Variants in LAMC2 observed in about 807,000 individuals in gnomAD.
LAMC2 encodes laminin subunit gamma 2, also known as laminin subunit gamma-2.
LAMC2 carries 97 observed loss-of-function variants against 140.2 expected under a neutral mutation model. The ratio of observed to expected loss-of-function variants is 0.69; its 90% CI spans 0.59 to 0.82. The LOEUF is 0.82. LAMC2 is among the 40% of genes least tolerant of loss of function. LAMC2 has a pLI of 0.00. For synonymous variants in LAMC2, 513 were observed against 540.2 expected, an observed-to-expected ratio of 0.95 and a Z score of 0.70; for missense variants, 1,402 against 1,476.1, an observed-to-expected ratio of 0.95 and a Z score of 0.82.
chr1:183,243,715 T>C lies in LAMC2; in HGVS notation c.*315T>C. The C allele has an allele frequency of 2.4e-6, 1 of 412,176 alleles. No individual in the cohort carries two copies. Among genetic ancestry groups the C allele is most frequent in the Non-Finnish European group, 4.5e-6 (1 of 220,560 alleles). The allele number at this position is 412,176 out of a possible 1,614,324, so 25.5% of individuals were successfully genotyped here. A position where few individuals can be genotyped will look rare whatever the true frequency, so the allele number is the denominator to read the frequency against. On this transcript the variant is annotated 3_prime_UTR_variant, in exon 23 of 23. Transcript: ENST00000264144. The stretch of plus-strand genomic sequence containing the variant: ...ATGTTTGCCTCATAATAGTCGTAAG[T>C]GGAGTCCTGGAATTTGGACAAGTGC...
chr1:183,218,378 C>G lies in LAMC2; in HGVS notation c.405-12C>G. The G allele has an allele frequency of 6.2e-7, 1 of 1,610,188 alleles. No individual in the cohort carries two copies. The highest frequency in any genetic ancestry group is 8.5e-7 in the Non-Finnish European group (1 of 1,176,386). ...GAAGCATGTCCCTAATTTTCTTTTT[C>G]TTCTTCCCCAGAGACTCCAAGTGTG... On this transcript the variant is annotated splice_polypyrimidine_tract_variant and intron_variant, in intron 3 of 22. Transcript: ENST00000264144.
At chr1:183,250,714 C>T in the LAMC2 span, 6 of 152,600 alleles carry the variant, frequency 3.9e-5, no homozygotes, top group African/African-American at 1.2e-4. Flanking sequence ...TAGTCAAACA[C>T]TGATACCCCA....
the LAMC2 span, chr1:183,252,789 C>A: frequency 7.0e-7 from 1 of 1,431,170 alleles, no homozygotes; most frequent in South Asian, 1.1e-5. Flanking sequence ...ACACCCAAAG[C>A]AAGTCAGGAG....
At chr1:183,217,200 A>T (rs3768599) in intron 3 of LAMC2, among the ~76,000 whole-genome samples, 147 of 152,064 alleles carry the variant, frequency 9.7e-4, no homozygotes, top group Middle Eastern at 6.8e-3. Context: ...GGAACGGATC[A>T]GTAGAGAAGA....
intron 2 of LAMC2, among the ~76,000 whole-genome samples, chr1:183,214,213 G>A (rs1659175015): frequency 1.3e-5 from 2 of 152,038 alleles, no homozygotes; most frequent in Non-Finnish European, 2.9e-5. Context: ...ACAGATTTCT[G>A]GGCACCTGCC....
chr1:183,220,694 G>A, intron 4 of LAMC2, 131 bp from the exon 5 acceptor site: 1 of 907,122 alleles, frequency 1.1e-6, no homozygotes, highest in Non-Finnish European at 1.8e-6. Flanking sequence ...TGCAAAATCT[G>A]GTATTTCCCT....
rs540784769 is a variant in LAMC2 at position 183,232,580 on chromosome 1, C to T, written c.2015-72C>T. 14 of 1,380,396 alleles carry T rather than the reference C, an allele frequency of 1.0e-5. No homozygotes were observed. In the South Asian group the frequency reaches 1.6e-4, roughly 16 times the overall value. The allele number at this position is 1,380,396 out of a possible 1,614,324, so 85.5% of individuals were successfully genotyped here. The stretch of plus-strand genomic sequence containing the variant: ...TGTCATTTGACCATAAGCCAGTCAA[C>T]CCTCCGTTATGTTTGCTAACTCTAT... On this transcript the variant is annotated intron_variant, in intron 13 of 22. Transcript: ENST00000264144.
intron 3 of LAMC2, 92 bp downstream of exon 3, chr1:183,215,680 C>G (rs548051907): frequency 2.0e-6 from 3 of 1,484,410 alleles, no homozygotes; most frequent in Non-Finnish European, 2.8e-6. Context: ...GAGCCCCTAC[C>G]CTGTGCCAAA....
rs1320261716 is a variant in LAMC2 at position 183,228,897 on chromosome 1, C to T, written c.1714+278C>T. Among the ~76,000 whole-genome samples, 2 of 152,256 alleles carry T rather than the reference C, an allele frequency of 1.3e-5. No individual in the cohort carries two copies. The highest frequency in any genetic ancestry group is 1.9e-4 in the East Asian group (1 of 5,178). On this transcript the variant is annotated intron_variant, in intron 11 of 22. Transcript: ENST00000264144. This position sits in a 1 kb window ranked among gnomAD's most constrained non-coding sequence, Gnocchi z 4.3. ...TTCCTACGCGGAAAAGGATGTAACA[C>T]GGGGCCACATCCTATGCCCAATCCC... is the stretch of plus-strand genomic sequence containing the variant.
intron 11 of LAMC2, among the ~76,000 whole-genome samples, chr1:183,230,650 G>A (rs112964978): frequency 1.2e-3 from 188 of 152,294 alleles, no homozygotes; most frequent in East Asian, 5.8e-3. Context: ...CATCTGGCAC[G>A]TAATGGGCCC....
intron 1 of LAMC2, among the ~76,000 whole-genome samples, chr1:183,188,582 G>A: frequency 6.6e-6 from 1 of 152,212 alleles, no homozygotes; most frequent in East Asian, 1.9e-4. Flanking sequence ...TTGTAAAATG[G>A]AGGCAATAGT....
At position 183,239,869 on chromosome 1, in the gene LAMC2, G is replaced by A. The variant is rs187513422; in HGVS notation, c.3070-171G>A. 2.6e-4 allele frequency: 206 copies of A among 777,676 alleles called. 1 individual carries two copies. In the East Asian group the frequency reaches 5.2e-3, roughly 20 times the overall value. 48.2% of individuals were successfully genotyped at this position (777,676 alleles called of 1,614,324 possible). Reference sequence around the variant, plus strand: ...CATACCCCCAGATTAGCTTGTTTGAGGCAGAGCTTGGCAAAGTACCCCTGT... The same window carrying A: ...CATACCCCCAGATTAGCTTGTTTGAAGCAGAGCTTGGCAAAGTACCCCTGT... On this transcript the variant is annotated intron_variant, in intron 20 of 22. Coordinates refer to ENST00000264144, the MANE Select transcript of LAMC2 (RefSeq NM_005562.3).
chr1:183,243,238 C>T lies in LAMC2; in HGVS notation c.3420C>T (p.Pro1140=). Residue 1140 remains proline, a synonymous_variant, in exon 23 of 23, where the codon CCC becomes CCT. Coordinates refer to ENST00000264144, the MANE Select transcript of LAMC2 (RefSeq NM_005562.3). ...AKTQINSQLR[P]MMSELEERAR... is the part of the protein sequence containing the mutation. ...CCCAGATCAACAGCCAACTGCGGCC[C>T]ATGATGTCAGAGCTGGAAGAGAGGG... The T allele has an allele frequency of 6.2e-7, 1 of 1,614,140 alleles. No homozygotes were observed. The highest frequency in any genetic ancestry group is 1.1e-5 in the South Asian group (1 of 91,088).
intron 2 of LAMC2, among the ~76,000 whole-genome samples, chr1:183,211,055 T>C (rs1433302301): frequency 6.6e-6 from 1 of 152,232 alleles, no homozygotes; most frequent in East Asian, 1.9e-4. Flanking sequence ...AAAAATGCTA[T>C]CATTACATGT....
chr1:183,246,030 C>T (rs1251997585), downstream of LAMC2, among the ~76,000 whole-genome samples: 2 of 151,958 alleles, frequency 1.3e-5, no homozygotes, highest in African/African-American at 2.4e-5. Context: ...ATTAGCCGGG[C>T]GTGATGGCGG....
At chr1:183,230,890 T>A (rs1659778428) in intron 11 of LAMC2, 71 bp from the exon 12 acceptor site, 6 of 1,566,216 alleles carry the variant, frequency 3.8e-6, no homozygotes, top group Middle Eastern at 1.7e-4. Flanking sequence ...ATCTCCTTCC[T>A]TGTATCTTTG....
intron 1 of LAMC2, among the ~76,000 whole-genome samples, chr1:183,196,230 C>A (rs553124608): frequency 6.6e-6 from 1 of 152,036 alleles, no homozygotes; most frequent in African/African-American, 2.4e-5. Flanking sequence ...CTCTGCCTAC[C>A]GGGTTCAAGT....
In LAMC2 at chr1:183,236,587, A is replaced by G; in HGVS notation, c.2584A>G (p.Ser862Gly). The G allele has an allele frequency of 3.1e-6, 5 of 1,614,116 alleles. No individual in the cohort carries two copies. The highest frequency in any genetic ancestry group is 1.7e-4 in the Middle Eastern group (1 of 6,060). Reference protein sequence around the residue: ...LDSVSRLQGVSDQSFQVEEAK... With the variant: ...LDSVSRLQGVGDQSFQVEEAK... ...TTCAGTGTCTCGGCTTCAGGGAGTC[A>G]GTGATCAGTCCTTTCAGGTGAGGGC... The change falls in exon 17 of 23, where the codon AGT becomes GGT. Residue 862 changes from serine (S) to glycine (G), a missense_variant. Coordinates refer to ENST00000264144, the MANE Select transcript of LAMC2 (RefSeq NM_005562.3).
intron 9 of LAMC2, 31 bp downstream of exon 9, chr1:183,226,947 T>G (rs2102230557): frequency 6.5e-7 from 1 of 1,543,532 alleles, no homozygotes. Context: ...ACCAGGTGGC[T>G]GGGGTGTCAT....
Sources: allele counts gnomAD v4.1 joint callset (sites outside exome capture counted in the v4.1 genomes callset), GRCh38; gene constraint gnomAD v4.1.1; non-coding constraint Gnocchi (gnomAD v3.1); transcripts MANE v1.5; gene names NCBI Gene and HGNC (gene_info 2026-07-23, HGNC 2026-07-21).